MEIS1: variants seen among roughly 807,000 people sequenced by gnomAD.
The protein encoded by MEIS1 is Meis homeobox 1.
Under a neutral mutation model 50.8 loss-of-function variants are expected in MEIS1, and 5 were observed. The ratio of observed to expected loss-of-function variants is 0.10; its 90% CI spans 0.05 to 0.21. The LOEUF is 0.21. Among genes scored for constraint, MEIS1 ranks in the 10% least tolerant of loss-of-function variants. The probability of loss-of-function intolerance (pLI) is 1.00; values close to 1 mark genes in which losing one functional copy is unlikely to be tolerated. For synonymous variants in MEIS1, 176 were observed against 179.3 expected (o/e 0.98, Z 0.15); for missense variants, 318 against 517.3 (o/e 0.61, Z 3.74).
intron 7 of MEIS1, among the ~76,000 whole-genome samples, chr2:66,499,621 G>A (rs906676005): frequency 3.3e-5 from 5 of 149,664 alleles, no homozygotes; most frequent in East Asian, 2.0e-4. Flanking sequence ...CCATGTAGCC[G>A]AATCATAGTG....
chr2:66,514,132 T>C (rs888924877), intron 8 of MEIS1, among the ~76,000 whole-genome samples: 1 of 152,192 alleles, frequency 6.6e-6, no homozygotes, highest in Non-Finnish European at 1.5e-5. Flanking sequence ...ATGAATAGAT[T>C]TCTTCAGCCC....
chr2:66,541,000 G>A (rs954615898), intron 8 of MEIS1, among the ~76,000 whole-genome samples: 2 of 151,716 alleles, frequency 1.3e-5, no homozygotes, highest in African/African-American at 4.8e-5. Context: ...GATAAGTGAG[G>A]CAGGGAGGGC....
intron 2 of MEIS1, chr2:66,439,250 T>C (rs1171975069): frequency 9.6e-7 from 1 of 1,040,108 alleles, no homozygotes; most frequent in Non-Finnish European, 1.2e-6. Context: ...GGGAGGGGAA[T>C]GTGCGTGGAG....
chr2:66,550,658 A>C (rs1253507800), intron 9 of MEIS1, among the ~76,000 whole-genome samples: 1 of 151,852 alleles, frequency 6.6e-6, no homozygotes, highest in Non-Finnish European at 1.5e-5. Context: ...CACCATGCCC[A>C]GTTAATTTTT....
intron 8 of MEIS1, among the ~76,000 whole-genome samples, chr2:66,521,235 A>C (rs927842230): frequency 2.0e-5 from 3 of 152,216 alleles, no homozygotes; most frequent in African/African-American, 7.2e-5. Flanking sequence ...TTCCTTACAG[A>C]AATATGTAAT....
chr2:66,514,445 C>G (rs188712385), intron 8 of MEIS1, among the ~76,000 whole-genome samples: 1 of 152,122 alleles, frequency 6.6e-6, no homozygotes, highest in Non-Finnish European at 1.5e-5. Context: ...CAATTGTAAT[C>G]GAAATTATTC....
chr2:66,533,983 C>T (rs976730506), intron 8 of MEIS1, among the ~76,000 whole-genome samples: 2 of 152,162 alleles, frequency 1.3e-5, no homozygotes, highest in African/African-American at 4.8e-5. Flanking sequence ...TGTATTTTTA[C>T]ATAGATTAGC....
At chr2:66,511,430 A>G (rs1297062142) in intron 7 of MEIS1, among the ~76,000 whole-genome samples, 1 of 152,174 alleles carries the variant, frequency 6.6e-6, no homozygotes, top group Non-Finnish European at 1.5e-5. Context: ...TGCTAGGTTT[A>G]CCTAGCATGA....
At chr2:66,492,342 T>A (rs1400399667) in intron 7 of MEIS1, among the ~76,000 whole-genome samples, 2 of 152,058 alleles carry the variant, frequency 1.3e-5, no homozygotes, top group Non-Finnish European at 1.5e-5. Flanking sequence ...TTTGGGCCTG[T>A]GAGTACAGGA....
chr2:66,538,888 T>TG (rs1350780739), intron 8 of MEIS1, among the ~76,000 whole-genome samples: 10 of 152,132 alleles, frequency 6.6e-5, no homozygotes, highest in East Asian at 1.9e-4. Flanking sequence ...TTTTTTTTTT[T>TG]TTTTTGTTTG....
intron 8 of MEIS1, among the ~76,000 whole-genome samples, chr2:66,532,946 T>A (rs909044021): frequency 6.6e-6 from 1 of 152,230 alleles, no homozygotes; most frequent in Non-Finnish European, 1.5e-5. Context: ...ACAGTTTTTT[T>A]TATCCAAAAT....
chr2:66,475,712 C>G (rs967898568), intron 7 of MEIS1, among the ~76,000 whole-genome samples: 1 of 152,166 alleles, frequency 6.6e-6, no homozygotes, highest in Non-Finnish European at 1.5e-5. Flanking sequence ...CACAGGGAGT[C>G]CAGGGAGATG....
At chr2:66,440,976 G>C in intron 4 of MEIS1, 1 of 352,490 alleles carries the variant, frequency 2.8e-6, no homozygotes, top group Non-Finnish European at 5.1e-6. Flanking sequence ...CACCGGACAA[G>C]AGCCCCCAAA....
intron 9 of MEIS1, among the ~76,000 whole-genome samples, chr2:66,563,911 T>G (rs1317731333): frequency 6.6e-6 from 1 of 152,158 alleles, no homozygotes; most frequent in Admixed American, 6.5e-5. Flanking sequence ...ATGTGGAGAT[T>G]GTTTAAGGTC....
rs143896242 is a variant in MEIS1 at position 66,454,021 on chromosome 2, A to G, written c.631-10088A>G. Among the ~76,000 whole-genome samples, 766 of 152,146 alleles carry G rather than the reference A, an allele frequency of 5.0e-3. 6 individuals carry two copies. The highest frequency in any genetic ancestry group is 0.018 in the African/African-American group (736 of 41,560). ...TTAGAGCCAGAGCACTTATATTTGAATCTAGACTTTGCTCTGAGAGGGCAA... is the reference window on the plus strand; with the variant it reads ...TTAGAGCCAGAGCACTTATATTTGAGTCTAGACTTTGCTCTGAGAGGGCAA... On this transcript the variant is annotated intron_variant, in intron 6 of 12. Transcript: ENST00000272369.
At chr2:66,523,187 ACT>A (rs1674169023) in intron 8 of MEIS1, among the ~76,000 whole-genome samples, 1 of 152,204 alleles carries the variant, frequency 6.6e-6, no homozygotes, top group African/African-American at 2.4e-5. Context: ...CCGTTTATGT[ACT>A]GATGGATTTC....
chr2:66,473,952 A>G (rs527353922), intron 7 of MEIS1, among the ~76,000 whole-genome samples: 3 of 152,282 alleles, frequency 2.0e-5, no homozygotes, highest in African/African-American at 7.2e-5. Context: ...ACATCCTCCC[A>G]TATACTTTAA....
chr2:66,556,732 C>A (rs1675075447), intron 9 of MEIS1, among the ~76,000 whole-genome samples: 1 of 151,998 alleles, frequency 6.6e-6, no homozygotes, highest in Admixed American at 6.6e-5. Context: ...GGTCATAGTT[C>A]AGATGTACTT....
At chr2:66,570,128 G>C (rs1675447633) in intron 12 of MEIS1, 1 of 152,160 alleles carries the variant, frequency 6.6e-6, no homozygotes, top group Non-Finnish European at 1.5e-5. Context: ...AATCACTGCT[G>C]AGGCCAGGGG....
Sources: gnomAD v4.1 joint callset for allele counts (sites outside exome capture counted in the v4.1 genomes callset) on GRCh38, gnomAD v4.1.1 for gene constraint, MANE v1.5 for transcripts, NCBI Gene and HGNC (gene_info 2026-07-23, HGNC 2026-07-21) for gene names.